ACY1: variants seen among roughly 807,000 people sequenced by gnomAD.
The protein encoded by ACY1 is aminoacylase-1.
ACY1 carries 38 observed loss-of-function variants against 53.3 expected under a neutral mutation model. That is an observed-to-expected ratio of 0.71 (90% CI 0.55 to 0.93). The LOEUF (loss-of-function observed/expected upper bound fraction) is 0.93, where lower values mean the gene tolerates loss of function less well. Among genes scored for constraint, ACY1 ranks in the 40% least tolerant of loss-of-function variants. ACY1 has a pLI of 0.00. For synonymous variants in ACY1, 177 were observed against 202.1 expected (o/e 0.88, Z 1.05); for missense variants, 484 against 540.9 (o/e 0.89, Z 1.04).
rs772174586 is a variant in ACY1 at position 51,986,650 on chromosome 3, G to A, written c.572G>A (p.Arg191Gln). The change falls in exon 8 of 15, where the codon CGG becomes CAG. Residue 191 changes from arginine to glutamine, a missense_variant. Physicochemically the swap from Arg to Gln is conservative, Grantham distance 43. Coordinates refer to ENST00000636358, the MANE Select transcript of ACY1 (RefSeq NM_000666.3). ...TDAFTVFYSE[R>Q]SPWWVRVTST... is the part of the protein sequence containing the mutation. ...GCCTTCACTGTCTTTTATAGTGAGCGGAGTCCCTGGTGTAAGTATGAGCTT... is the reference window on the plus strand; with the variant it reads ...GCCTTCACTGTCTTTTATAGTGAGCAGAGTCCCTGGTGTAAGTATGAGCTT... 7.4e-6 allele frequency: 12 copies of A among 1,613,930 alleles called. No homozygotes were observed. Among genetic ancestry groups the A allele is most frequent in the South Asian group, 5.5e-5 (5 of 91,094 alleles).
chr3:51,987,704 T>C, intron 12 of ACY1, 80 bp downstream of exon 12: 1 of 1,420,408 alleles, frequency 7.0e-7, no homozygotes, highest in South Asian at 1.2e-5. Context: ...GTGTGCTTGG[T>C]GTGTCTGCAT....
Position 51,987,616 on chromosome 3 carries a change from T to C in ACY1, c.913T>C (p.Phe305Leu), listed in dbSNP as rs759618209. 1.3e-5 allele frequency: 21 copies of C among 1,613,616 alleles called. No individual in the cohort carries two copies. The highest frequency in any genetic ancestry group is 1.8e-5 in the Non-Finnish European group (21 of 1,179,904). Residue 305 changes from phenylalanine (F) to leucine (L), a missense_variant, in exon 12 of 15, where the codon TTT becomes CTT. Phe to Leu is a conservative substitution (Grantham distance 22, BLOSUM62 0). Transcript: ENST00000636358. ...AGCTGGCGAGGGGGTCACCCTAGAG[T>C]TTGCTCAGGTATGGACTTGGGACAT... ...QAAGEGVTLEFAQKWMHPQVT... is the reference protein window; with the variant it reads ...QAAGEGVTLELAQKWMHPQVT...
intron 12 of ACY1, chr3:51,988,270 T>C (rs950555873): frequency 3.4e-6 from 2 of 586,730 alleles, no homozygotes; most frequent in African/African-American, 3.7e-5. Context: ...GGGAGCCATC[T>C]TGAGGAAGGG....
rs1487540891 is a variant in ACY1 at position 51,988,963 on chromosome 3, T to C, written c.1115T>C (p.Leu372Pro). 6 of 1,614,094 alleles carry C rather than the reference T, an allele frequency of 3.7e-6. No individual in the cohort carries two copies. In the African/African-American group the frequency reaches 8.0e-5, roughly 22 times the overall value. ...CCCATGAACCGCACACCTGTGCTGC[T>C]GCACGACCACGATGAACGGCTGCAT... is the stretch of plus-strand genomic sequence containing the variant. ...FSPMNRTPVL[L>P]HDHDERLHEA... is the part of the protein sequence containing the mutation. The change falls in exon 15 of 15, where the codon CTG becomes CCG. Residue 372 changes from leucine (L) to proline (P), a missense_variant. Coordinates refer to ENST00000636358, the MANE Select transcript of ACY1 (RefSeq NM_000666.3).
At chr3:51,984,541 G>C (rs1700990252) in intron 2 of ACY1, 1 of 363,418 alleles carries the variant, frequency 2.8e-6, no homozygotes, top group African/African-American at 2.1e-5. Context: ...TAGGGCCTGG[G>C]AGGTGGCTCC....
chr3:51,988,293 G>T, intron 12 of ACY1: 1 of 612,084 alleles, frequency 1.6e-6, no homozygotes, highest in Non-Finnish European at 3.0e-6. Flanking sequence ...ACTTGGGCTA[G>T]GATCTGAAGG....
chr3:51,986,905 G>T, intron 8 of ACY1, 83 bp from the exon 9 acceptor site: 1 of 1,464,040 alleles, frequency 6.8e-7, no homozygotes, highest in Admixed American at 1.9e-5. Context: ...CTGGAATGAG[G>T]GGGAGACCTG....
chr3:51,984,087 A>G lies in ACY1; in HGVS notation c.23A>G (p.Glu8Gly). ...GCCATGACCAGCAAGGGTCCCGAGG[A>G]GGAGCACCCATCGGTGACGCTCTTC... MTSKGPE[E>G]EHPSVTLFRQ... Residue 8 changes from glutamate to glycine, a missense_variant, in exon 2 of 15, where the codon GAG becomes GGG. Glu to Gly is a moderately conservative substitution (Grantham distance 98, BLOSUM62 -2). Transcript: ENST00000636358. 6.2e-7 allele frequency: 1 copy of G among 1,613,598 alleles called. No homozygotes were observed. The highest frequency in any genetic ancestry group is 8.5e-7 in the Non-Finnish European group (1 of 1,179,986).
rs1469694954 is a variant in ACY1, at chr3:51,985,847, C to T, written c.265-5C>T. The T allele has an allele frequency of 6.2e-7, 1 of 1,612,954 alleles. No individual in the cohort carries two copies. The highest frequency in any genetic ancestry group is 2.2e-5 in the East Asian group (1 of 44,838). On this transcript the variant is annotated splice_polypyrimidine_tract_variant and splice_region_variant and intron_variant, in intron 4 of 14. Coordinates refer to ENST00000636358, the MANE Select transcript of ACY1 (RefSeq NM_000666.3). ...TTGGGCCCCTCTTCCCATCCCTGCC[C>T]CCAGGAACATTGGAGTCACGACCCC... is the stretch of plus-strand genomic sequence containing the variant.
intron 1 of ACY1, 30 bp from the exon 2 acceptor site, chr3:51,984,017 G>A (rs1223331084): frequency 6.6e-7 from 1 of 1,517,002 alleles, no homozygotes; most frequent in Admixed American, 1.7e-5. Flanking sequence ...GGGTCTTGGA[G>A]GGGTAGTTAG....
chr3:51,984,182 C>G (rs768449250), intron 2 of ACY1, 24 bp downstream of exon 2: 4 of 1,607,978 alleles, frequency 2.5e-6, no homozygotes, highest in Non-Finnish European at 3.4e-6. Context: ...GGTTCCAGAG[C>G]CTGTGACGGG....
chr3:51,986,016 G>A, intron 5 of ACY1, 70 bp downstream of exon 5: 1 of 1,463,068 alleles, frequency 6.8e-7, no homozygotes, highest in African/African-American at 1.4e-5. Context: ...AGGACCTGAG[G>A]GGGTGATTGG....
In ACY1 at chr3:51,989,012, G is replaced by A. The variant is rs1383779641; in HGVS notation, c.1164G>A (p.Val388=). ...RLHEAVFLRG[V]DIYTRLLPAL... is the part of the protein sequence containing the mutation. Reference sequence around the variant, plus strand: ...ATGAGGCTGTGTTCCTCCGTGGGGTGGACATATATACACGCCTGCTGCCTG... The same window carrying A: ...ATGAGGCTGTGTTCCTCCGTGGGGTAGACATATATACACGCCTGCTGCCTG... Residue 388 remains valine (V), a synonymous_variant, in exon 15 of 15, where the codon GTG becomes GTA. Coordinates refer to ENST00000636358, the MANE Select transcript of ACY1 (RefSeq NM_000666.3). 6.2e-7 allele frequency: 1 copy of A among 1,614,156 alleles called. No individual in the cohort carries two copies. Among genetic ancestry groups the A allele is most frequent in the South Asian group, 1.1e-5 (1 of 91,088 alleles).
intron 2 of ACY1, 145 bp downstream of exon 2, chr3:51,984,303 T>A: frequency 2.7e-6 from 2 of 747,394 alleles, no homozygotes; most frequent in Non-Finnish European, 4.7e-6. Context: ...ATTCCCCAAG[T>A]AAATAGACTG....
chr3:51,986,250 C>T lies in ACY1; in HGVS notation c.360-5C>T, dbSNP rs1701051535. 6.2e-7 allele frequency: 1 copy of T among 1,613,838 alleles called. No individual in the cohort carries two copies. Among genetic ancestry groups the T allele is most frequent in the Non-Finnish European group, 8.5e-7 (1 of 1,179,962 alleles). On this transcript the variant is annotated splice_region_variant and splice_polypyrimidine_tract_variant and intron_variant, in intron 5 of 14. Transcript: ENST00000636358. ...TCCCCCAGCACCTGGCTTATGCCCC[C>T]TCAGGTACCTGGAAGCTGTGAGGAG...
chr3:51,987,271 T>G, intron 10 of ACY1, 38 bp from the exon 11 acceptor site: 2 of 1,613,978 alleles, frequency 1.2e-6, no homozygotes, highest in Non-Finnish European at 1.7e-6. Context: ...GCCACCTCTT[T>G]TATCTGTTGC....
At chr3:51,986,882 C>T in intron 8 of ACY1, 106 bp from the exon 9 acceptor site, 2 of 1,359,708 alleles carry the variant, frequency 1.5e-6, no homozygotes, top group Non-Finnish European at 2.1e-6. Context: ...GGACAGGACC[C>T]TGCCAGAGGA....
At chr3:51,988,210 G>A (rs1018857523) in intron 12 of ACY1, 1 of 479,382 alleles carries the variant, frequency 2.1e-6, no homozygotes. Flanking sequence ...GTGGCCCCTT[G>A]CACTCTGAAA....
chr3:51,986,858 C>T (rs948630125), intron 8 of ACY1, 130 bp from the exon 9 acceptor site: 61 of 1,239,666 alleles, frequency 4.9e-5, no homozygotes, highest in Non-Finnish European at 5.8e-5. Flanking sequence ...CTGTATGCTA[C>T]GGGCCCTGAG....
Sources: allele counts gnomAD v4.1 joint callset, GRCh38; gene constraint gnomAD v4.1.1; transcripts MANE v1.5; gene names NCBI Gene and HGNC (gene_info 2026-07-23, HGNC 2026-07-21).